The following SH3GL3 variants were observed in gnomAD, a reference collection of about 807,000 sequenced individuals.
SH3GL3 encodes SH3 domain containing GRB2 like 3, endophilin A3.
SH3GL3 carries 33 observed loss-of-function variants against 47.7 expected under a neutral mutation model. The ratio of observed to expected loss-of-function variants is 0.69; its 90% confidence interval spans 0.52 to 0.92. The LOEUF is 0.92. Ranked by LOEUF, SH3GL3 falls within the 40% of genes least tolerant of loss-of-function variation. The pLI, the probability that SH3GL3 is intolerant of heterozygous loss-of-function variation, is 0.00. For missense variants in SH3GL3, 363 were observed against 417.8 expected (o/e 0.87, Z 1.14); for synonymous variants, 155 against 148.8 (o/e 1.04, Z -0.30).
chr15:83,461,694 G>A (rs1454756248), intron 1 of SH3GL3, among the ~76,000 whole-genome samples: 2 of 151,748 alleles, frequency 1.3e-5, no homozygotes, highest in Admixed American at 6.6e-5. Context: ...AATTATATTA[G>A]CAAGGTTTGA....
chr15:83,630,881 C>T, the SH3GL3 span, among the ~76,000 whole-genome samples: 1 of 152,056 alleles, frequency 6.6e-6, no homozygotes, highest in South Asian at 2.1e-4. Flanking sequence ...TCCAACAGTC[C>T]CCCAAAGTCT....
intron 1 of SH3GL3, among the ~76,000 whole-genome samples, chr15:83,526,274 A>G (rs1405563179): frequency 1.3e-5 from 2 of 152,210 alleles, no homozygotes; most frequent in African/African-American, 2.4e-5. Context: ...TCAGAGAGCT[A>G]AAAATAGAGC....
chr15:83,487,919 T>C (rs2151572801), intron 1 of SH3GL3: 1 of 150,298 alleles, frequency 6.7e-6, no homozygotes, highest in East Asian at 2.0e-4. Flanking sequence ...CTCTGTCGCC[T>C]GGCTGGAGTG....
At chr15:83,617,018 T>C (rs1048255837) in intron 8 of SH3GL3, among the ~76,000 whole-genome samples, 1 of 152,228 alleles carries the variant, frequency 6.6e-6, no homozygotes, top group Non-Finnish European at 1.5e-5. Context: ...TGTAAATATA[T>C]GCACAAATAT....
chr15:83,573,483 A>G (rs2059590595), intron 5 of SH3GL3, among the ~76,000 whole-genome samples: 1 of 152,232 alleles, frequency 6.6e-6, no homozygotes, highest in Admixed American at 6.5e-5. Flanking sequence ...CAGAAATCTT[A>G]TGGGTGAAGC....
chr15:83,538,346 G>A (rs955651963), intron 1 of SH3GL3, among the ~76,000 whole-genome samples: 13 of 152,180 alleles, frequency 8.5e-5, no homozygotes, highest in African/African-American at 3.1e-4. Flanking sequence ...AGGGCTTATG[G>A]AAGGGGTAGT....
the SH3GL3 span, among the ~76,000 whole-genome samples, chr15:83,626,020 AC>A: frequency 6.6e-6 from 1 of 152,116 alleles, no homozygotes; most frequent in Admixed American, 6.6e-5. Flanking sequence ...TTTAGTAGAG[AC>A]GGGGTTTCGC....
At chr15:83,490,271 T>G (rs531553913) in intron 1 of SH3GL3, among the ~76,000 whole-genome samples, 5 of 151,620 alleles carry the variant, frequency 3.3e-5, no homozygotes, top group East Asian at 1.9e-4. Flanking sequence ...TTGCGTTTTT[T>G]TTTTTTTTTT....
At chr15:83,476,788 T>G (rs946519554) in intron 1 of SH3GL3, among the ~76,000 whole-genome samples, 1 of 152,234 alleles carries the variant, frequency 6.6e-6, no homozygotes, top group Non-Finnish European at 1.5e-5. Flanking sequence ...CCTGAAATAC[T>G]ACTATGTGGT....
intron 1 of SH3GL3, among the ~76,000 whole-genome samples, chr15:83,457,276 C>G (rs1596006860): frequency 6.6e-6 from 1 of 152,202 alleles, no homozygotes; most frequent in African/African-American, 2.4e-5. Context: ...CCAAGACTAA[C>G]CATCTACTGA....
intron 8 of SH3GL3, among the ~76,000 whole-genome samples, chr15:83,607,040 A>G (rs1409408562): frequency 6.6e-6 from 1 of 152,192 alleles, no homozygotes; most frequent in Non-Finnish European, 1.5e-5. Context: ...TAGAGAGGGA[A>G]GTTTTCCTCA....
intron 1 of SH3GL3, among the ~76,000 whole-genome samples, chr15:83,550,153 T>A (rs1247589595): frequency 1.3e-5 from 2 of 152,182 alleles, no homozygotes; most frequent in African/African-American, 4.8e-5. Flanking sequence ...AAAATTGTGT[T>A]GCCATGTTCT....
chr15:83,583,498 T>C (rs893373208), intron 6 of SH3GL3, among the ~76,000 whole-genome samples: 1 of 152,228 alleles, frequency 6.6e-6, no homozygotes, highest in Non-Finnish European at 1.5e-5. Flanking sequence ...GCCAGGCCAA[T>C]GGCTCAGATC....
intron 8 of SH3GL3, among the ~76,000 whole-genome samples, chr15:83,595,344 C>T (rs1329531145): frequency 6.6e-6 from 1 of 151,948 alleles, no homozygotes; most frequent in Non-Finnish European, 1.5e-5. Context: ...GCCAGTGGGG[C>T]CTGCTTGAGG....
chr15:83,560,244 G>C (rs1434772962), intron 2 of SH3GL3, among the ~76,000 whole-genome samples: 1 of 152,230 alleles, frequency 6.6e-6, no homozygotes, highest in Non-Finnish European at 1.5e-5. Context: ...TCCAGCCCCA[G>C]GCTGCGCACT....
At chr15:83,580,024 A>G (rs892612563) in intron 6 of SH3GL3, among the ~76,000 whole-genome samples, 1 of 152,200 alleles carries the variant, frequency 6.6e-6, no homozygotes, top group Non-Finnish European at 1.5e-5. Flanking sequence ...CAAAATGCCA[A>G]TACATGGTTG....
chr15:83,524,716 C>T (rs112459439), intron 1 of SH3GL3, among the ~76,000 whole-genome samples: 5 of 151,874 alleles, frequency 3.3e-5, no homozygotes, highest in African/African-American at 1.2e-4. Flanking sequence ...TGTTCTGCCT[C>T]CATGAGATCA....
At chr15:83,617,581 C>T (rs2060857852) in intron 8 of SH3GL3, among the ~76,000 whole-genome samples, 1 of 152,136 alleles carries the variant, frequency 6.6e-6, no homozygotes, top group African/African-American at 2.4e-5. Context: ...GAGGCTGAGG[C>T]ACGAAAATTT....
intron 1 of SH3GL3, among the ~76,000 whole-genome samples, chr15:83,516,655 G>C (rs1323256647): frequency 6.6e-6 from 1 of 152,012 alleles, no homozygotes; most frequent in Non-Finnish European, 1.5e-5. Context: ...TAAATGACCA[G>C]ATCTCATGAA....
Sources: allele counts gnomAD v4.1 joint callset (sites outside exome capture counted in the v4.1 genomes callset), GRCh38; gene constraint gnomAD v4.1.1; transcripts MANE v1.5; gene names NCBI Gene and HGNC (gene_info 2026-07-23, HGNC 2026-07-21).